The following CDH12 variants were observed in gnomAD, a reference collection of about 807,000 sequenced individuals.
CDH12 encodes cadherin-12.
A neutral mutation model predicts 74.1 loss-of-function variants in CDH12; 41 were observed. The ratio of observed to expected loss-of-function variants is 0.55; its 90% confidence interval spans 0.43 to 0.72. The LOEUF is 0.72. Among genes scored for constraint, CDH12 ranks in the 30% least tolerant of loss-of-function variants. The pLI is 0.00. For synonymous variants in CDH12, 399 were observed against 355.0 expected (o/e 1.12, Z -1.39); for missense variants, 945 against 977.2 (o/e 0.97, Z 0.44).
intron 4 of CDH12, among the ~76,000 whole-genome samples, chr5:22,122,868 C>G (rs528602756): frequency 4.6e-5 from 7 of 152,152 alleles, no homozygotes; most frequent in Non-Finnish European, 7.3e-5. Context: ...TCAGCTCTTC[C>G]TGGGTTTTGA....
intron 3 of CDH12, among the ~76,000 whole-genome samples, chr5:22,363,740 C>A (rs980930837): frequency 6.6e-5 from 10 of 152,116 alleles, no homozygotes; most frequent in Non-Finnish European, 1.5e-4. Flanking sequence ...AAAAATGCAT[C>A]TTTGGGAAGT....
At chr5:22,426,504 C>A (rs1743946872) in intron 2 of CDH12, among the ~76,000 whole-genome samples, 1 of 151,940 alleles carries the variant, frequency 6.6e-6, no homozygotes, top group Middle Eastern at 3.4e-3. Flanking sequence ...AAATAAAACA[C>A]AAAATGATAG....
At chr5:22,675,244 T>C (rs920767213) in intron 1 of CDH12, among the ~76,000 whole-genome samples, 3 of 152,098 alleles carry the variant, frequency 2.0e-5, no homozygotes, top group Admixed American at 2.0e-4. Context: ...TTCCCAGCTG[T>C]TCCAGCCATG....
intron 6 of CDH12, among the ~76,000 whole-genome samples, chr5:21,879,755 T>C (rs956627093): frequency 1.3e-5 from 2 of 152,186 alleles, no homozygotes; most frequent in African/African-American, 2.4e-5. Context: ...GAGTGAATTA[T>C]AGCTAGATCA....
intron 6 of CDH12, among the ~76,000 whole-genome samples, chr5:21,930,525 T>A (rs1754785618): frequency 6.6e-6 from 1 of 152,218 alleles, no homozygotes; most frequent in Non-Finnish European, 1.5e-5. Context: ...GCAAGATACA[T>A]AATAGGGTTG....
At chr5:21,931,719 A>G (rs1754847467) in intron 6 of CDH12, among the ~76,000 whole-genome samples, 1 of 152,208 alleles carries the variant, frequency 6.6e-6, no homozygotes, top group Non-Finnish European at 1.5e-5. Context: ...TCCAAAATAG[A>G]CTGCACTTTA....
At chr5:22,529,143 A>G (rs1737437629) in intron 1 of CDH12, among the ~76,000 whole-genome samples, 1 of 135,600 alleles carries the variant, frequency 7.4e-6, no homozygotes, top group Non-Finnish European at 1.7e-5. Flanking sequence ...ATGCATATAT[A>G]TACACATATA....
At chr5:21,808,762 A>G in intron 9 of CDH12, among the ~76,000 whole-genome samples, 1 of 152,090 alleles carries the variant, frequency 6.6e-6, no homozygotes, top group East Asian at 1.9e-4. Context: ...GAGACGTGGG[A>G]GAGTTTATGC....
chr5:22,380,949 A>G (rs1405228236), intron 3 of CDH12, among the ~76,000 whole-genome samples: 1 of 152,124 alleles, frequency 6.6e-6, no homozygotes, highest in Non-Finnish European at 1.5e-5. Flanking sequence ...TGTATACACC[A>G]TGTAGATGAG....
chr5:22,091,299 AAG>A (rs372599413), intron 4 of CDH12, among the ~76,000 whole-genome samples: 20 of 145,380 alleles, frequency 1.4e-4, no homozygotes, highest in Admixed American at 2.1e-4. Flanking sequence ...GTGAGAGAGA[AAG>A]AGAGAGAGAG....
Position 22,726,464 on chromosome 5 carries a change from A to C in CDH12, c.-523+126594T>G, listed in dbSNP as rs555791454. Among the ~76,000 whole-genome samples, 3 of 151,892 alleles carry C rather than the reference A, an allele frequency of 2.0e-5. No individual in the cohort carries two copies. The South Asian group carries it at 6.2e-4, about 31-fold the overall frequency. On this transcript the variant is annotated intron_variant, in intron 1 of 14. Transcript: ENST00000382254. ...CTACTGAAAGACATATTGATTACCT[A>C]GGTAAATTCCAAGAAGTGTGATTGC...
intron 10 of CDH12, 42 bp downstream of exon 10, chr5:21,802,125 T>G (rs765961359): frequency 4.5e-5 from 71 of 1,572,214 alleles, no homozygotes; most frequent in Non-Finnish European, 5.9e-5. Context: ...TGTTTTGTTT[T>G]GTTTTCCTGA....
At chr5:22,647,589 C>T (rs2126879192) in intron 1 of CDH12, among the ~76,000 whole-genome samples, 1 of 151,676 alleles carries the variant, frequency 6.6e-6, no homozygotes, top group South Asian at 2.1e-4. Flanking sequence ...TCTGTTTTTT[C>T]CTTCTCCTCT....
At chr5:22,043,844 C>T (rs1739744629) in intron 5 of CDH12, among the ~76,000 whole-genome samples, 1 of 151,908 alleles carries the variant, frequency 6.6e-6, no homozygotes, top group Admixed American at 6.6e-5. Context: ...TTTACAGTAA[C>T]TACAAATACT....
rs75553126 is a variant in CDH12 at position 22,272,205 on chromosome 5, C to T, written c.-332-59562G>A. On this transcript the variant is annotated intron_variant, in intron 3 of 14. Coordinates refer to ENST00000382254, the MANE Select transcript of CDH12 (RefSeq NM_004061.5). ...TTGATATCAGCACTTGCTGCTTCAC[C>T]TTGCATTTTATGTTATGGAGATGAC... Among the ~76,000 whole-genome samples the T allele has an allele frequency of 9.4e-3, 1,425 of 152,290 alleles. 19 individuals carry two copies. Among genetic ancestry groups the T allele is most frequent in the African/African-American group, 0.033 (1,368 of 41,560 alleles).
intron 4 of CDH12, among the ~76,000 whole-genome samples, chr5:22,193,005 G>A (rs1750397597): frequency 6.6e-6 from 1 of 152,010 alleles, no homozygotes; most frequent in Admixed American, 6.5e-5. Flanking sequence ...ACTGAGATTT[G>A]TGATACTGGA....
chr5:22,417,598 AG>A (rs1440533113), intron 2 of CDH12, among the ~76,000 whole-genome samples: 2 of 152,206 alleles, frequency 1.3e-5, no homozygotes, highest in Non-Finnish European at 1.5e-5. Flanking sequence ...TCTAGTCTCA[AG>A]TATTTTGTTA....
At chr5:22,437,671 T>C (rs557829784) in intron 2 of CDH12, among the ~76,000 whole-genome samples, 1 of 152,074 alleles carries the variant, frequency 6.6e-6, no homozygotes, top group South Asian at 2.1e-4. Flanking sequence ...AAATTATCTT[T>C]GGAGAATTAC....
intron 2 of CDH12, among the ~76,000 whole-genome samples, 173 bp downstream of exon 2, chr5:22,505,096 CA>C (rs1284104789): frequency 2.0e-5 from 3 of 151,874 alleles, no homozygotes; most frequent in African/African-American, 7.2e-5. Context: ...CTGGTTACTT[CA>C]AGTTTCATGA....
Sources: allele counts gnomAD v4.1 joint callset (sites outside exome capture counted in the v4.1 genomes callset), GRCh38; gene constraint gnomAD v4.1.1; transcripts MANE v1.5; gene names NCBI Gene and HGNC (gene_info 2026-07-23, HGNC 2026-07-21).